SEMA5A: variants seen among roughly 807,000 people sequenced by gnomAD.
The protein encoded by SEMA5A is semaphorin-5A.
SEMA5A carries 55 observed loss-of-function variants against 135.5 expected under a neutral mutation model. The ratio of observed to expected loss-of-function variants is 0.41; its 90% CI spans 0.33 to 0.51. The LOEUF (loss-of-function observed/expected upper bound fraction) is 0.51. Ranked by LOEUF, SEMA5A falls within the 20% of genes least tolerant of loss-of-function variation. The pLI is 0.37. For missense variants in SEMA5A, 1,290 were observed against 1,419.9 expected, an observed-to-expected ratio of 0.91 and a Z score of 1.47; for synonymous variants, 580 against 546.5, an observed-to-expected ratio of 1.06 and a Z score of -0.85.
chr5:9,437,030 C>G (rs1344697936), intron 2 of SEMA5A, among the ~76,000 whole-genome samples: 2 of 152,138 alleles, frequency 1.3e-5, no homozygotes, highest in Non-Finnish European at 2.9e-5. Flanking sequence ...AGGAGGATCC[C>G]TGAGAGTATC....
chr5:9,230,289 A>G (rs1168037124), intron 6 of SEMA5A, among the ~76,000 whole-genome samples: 4 of 150,168 alleles, frequency 2.7e-5, no homozygotes, highest in Non-Finnish European at 1.5e-5. Context: ...CATGAGCCAC[A>G]GTGCCCTGCA....
chr5:9,426,387 T>C (rs897014278), intron 2 of SEMA5A, among the ~76,000 whole-genome samples: 4 of 143,324 alleles, frequency 2.8e-5, no homozygotes, highest in South Asian at 2.2e-4. Context: ...ATCACGCCAC[T>C]GCACTCCAGC....
Position 9,150,853 on chromosome 5 carries a change from G to A in SEMA5A, c.1481+3635C>T, listed in dbSNP as rs1251200570. Among the ~76,000 whole-genome samples the A allele has an allele frequency of 2.6e-5, 4 of 152,332 alleles. No homozygotes were observed. In the East Asian group the frequency reaches 7.7e-4, roughly 29 times the overall value. ...AGAAGACCTGGCTTCTGCCTGTCTG[G>A]GTACTGACCAGCTCTGCCTCTCAGT... On this transcript the variant is annotated intron_variant, in intron 12 of 22. Coordinates refer to ENST00000382496, the MANE Select transcript of SEMA5A (RefSeq NM_003966.3).
chr5:9,250,701 AAT>A (rs370058865), intron 5 of SEMA5A, among the ~76,000 whole-genome samples: 18 of 152,320 alleles, frequency 1.2e-4, no homozygotes, highest in African/African-American at 4.1e-4. Context: ...TTTTCAAAGT[AAT>A]ACAATAATGA....
intron 1 of SEMA5A, among the ~76,000 whole-genome samples, chr5:9,513,222 C>G (rs1286963830): frequency 6.6e-6 from 1 of 151,456 alleles, no homozygotes; most frequent in Non-Finnish European, 1.5e-5. Flanking sequence ...AAATGTGTGT[C>G]TTGGTAAATT....
intron 3 of SEMA5A, among the ~76,000 whole-genome samples, chr5:9,364,427 T>C (rs1182204177): frequency 6.6e-6 from 1 of 152,224 alleles, no homozygotes; most frequent in African/African-American, 2.4e-5. Flanking sequence ...TCATCTAATA[T>C]TTTCACTGAA....
At chr5:9,353,070 AAAGGAAAGGAAAGGAAAGGAAAGG>A (rs1561176437) in intron 3 of SEMA5A, among the ~76,000 whole-genome samples, 3 of 18,150 alleles carry the variant, frequency 1.7e-4, no homozygotes, top group Admixed American at 1.3e-3. Flanking sequence ...GAAGGAAAGG[AAAGGAAAGGAAAGGAAAGGAAAGG>A]AAGGAAGGAA....
intron 1 of SEMA5A, among the ~76,000 whole-genome samples, chr5:9,529,086 G>T (rs1312258261): frequency 1.3e-5 from 2 of 152,242 alleles, no homozygotes; most frequent in Non-Finnish European, 2.9e-5. Flanking sequence ...ACTGTATCCA[G>T]ATGGTTCTGG....
At chr5:9,430,884 A>T (rs1358676286) in intron 2 of SEMA5A, among the ~76,000 whole-genome samples, 1 of 152,026 alleles carries the variant, frequency 6.6e-6, no homozygotes, top group Admixed American at 6.6e-5. Flanking sequence ...AATGTATTAT[A>T]ACTAAAGAGG....
intron 5 of SEMA5A, among the ~76,000 whole-genome samples, chr5:9,242,773 T>A (rs1335108843): frequency 6.6e-6 from 1 of 150,714 alleles, no homozygotes. Flanking sequence ...GGAAAATAAA[T>A]TTTTTTTTAA....
intron 11 of SEMA5A, among the ~76,000 whole-genome samples, chr5:9,178,444 G>C (rs1025607322): frequency 6.7e-6 from 1 of 149,032 alleles, no homozygotes; most frequent in African/African-American, 2.5e-5. Flanking sequence ...TGATTCTCCT[G>C]CCTCAGCTTC....
chr5:9,226,696 T>TC (rs1747329538), intron 7 of SEMA5A, among the ~76,000 whole-genome samples, 173 bp downstream of exon 7: 1 of 152,192 alleles, frequency 6.6e-6, no homozygotes, highest in Non-Finnish European at 1.5e-5. Context: ...TAATTGATGG[T>TC]CCTGATTAGA....
intron 1 of SEMA5A, among the ~76,000 whole-genome samples, chr5:9,472,253 C>T (rs268509): frequency 0.97 from 147,937 of 152,304 alleles, 72,101 homozygotes; most frequent in Non-Finnish European, 1. Context: ...TGAGGTTTTG[C>T]TTTGCCTTTG....
intron 1 of SEMA5A, among the ~76,000 whole-genome samples, chr5:9,440,021 T>C (rs993067601): frequency 8.5e-5 from 13 of 152,260 alleles, no homozygotes; most frequent in Non-Finnish European, 1.9e-4. Flanking sequence ...GTGAGCCATG[T>C]TGGGACTTTC....
chr5:9,067,608 G>C (rs1236683877), intron 16 of SEMA5A, among the ~76,000 whole-genome samples: 2 of 151,628 alleles, frequency 1.3e-5, no homozygotes, highest in African/African-American at 2.4e-5. Flanking sequence ...AAAATAAATT[G>C]CTCTATCATT....
chr5:9,426,480 T>TAAAATAAAATAAAATAAAATAAAA (rs1757667449), intron 2 of SEMA5A, among the ~76,000 whole-genome samples: 1 of 24,974 alleles, frequency 4.0e-5, no homozygotes, highest in Admixed American at 3.2e-4. Context: ...ATAAAATAAA[T>TAAAATAAAATAAAATAAAATAAAA]GTGTATTGTC....
rs114962522 is a variant in SEMA5A, at chr5:9,523,427, A to G, written c.-175+22157T>C. 5.5e-3 allele frequency among the ~76,000 whole-genome samples: 837 copies of G among 152,338 alleles called. 1 individual carries two copies. Among genetic ancestry groups the G allele is most frequent in the Non-Finnish European group, 7.6e-3 (520 of 68,034 alleles). On this transcript the variant is annotated intron_variant, in intron 1 of 22. Coordinates refer to ENST00000382496, the MANE Select transcript of SEMA5A (RefSeq NM_003966.3). ...ATTTAAAGTGAAAATCCTTCCTAGGATGTCTCATATCTTAGCTATAATTGC... is the reference window on the plus strand; with the variant it reads ...ATTTAAAGTGAAAATCCTTCCTAGGGTGTCTCATATCTTAGCTATAATTGC...
chr5:9,150,038 C>G (rs1742549314), intron 12 of SEMA5A, among the ~76,000 whole-genome samples: 1 of 152,202 alleles, frequency 6.6e-6, no homozygotes. Context: ...CAGGTCTCAT[C>G]ATGTTCCCCA....
chr5:9,506,855 T>C (rs1041309680), intron 1 of SEMA5A, among the ~76,000 whole-genome samples: 3 of 152,216 alleles, frequency 2.0e-5, no homozygotes, highest in Admixed American at 2.0e-4. Context: ...CGAGGATCAC[T>C]GTGTTTCCTA....
Sources: allele counts gnomAD v4.1 joint callset (sites outside exome capture counted in the v4.1 genomes callset), GRCh38; gene constraint gnomAD v4.1.1; transcripts MANE v1.5; gene names NCBI Gene and HGNC (gene_info 2026-07-23, HGNC 2026-07-21).